The following ADK variants were observed in gnomAD, a reference collection of about 807,000 sequenced individuals.
ADK encodes adenosine kinase, also known as N6,N6-dimethyladenosine kinase.
Under a neutral mutation model 44.7 loss-of-function variants are expected in ADK, and 24 were observed. The observed-to-expected ratio is 0.54, with a 90% CI of 0.39 to 0.76. The LOEUF (loss-of-function observed/expected upper bound fraction) is 0.76, where lower values mean the gene tolerates loss of function less well. Ranked by LOEUF, ADK falls within the 30% of genes least tolerant of loss-of-function variation. The pLI is 0.00. For missense variants in ADK, 321 were observed against 425.1 expected (o/e 0.76, Z 2.15); for synonymous variants, 128 against 142.6 (o/e 0.90, Z 0.73).
chr10:74,590,413 A>G (rs112477263), intron 8 of ADK, among the ~76,000 whole-genome samples: 2,319 of 152,236 alleles, frequency 0.015, 32 homozygotes, highest in Non-Finnish European at 0.024. Context: ...AATGTAGTAA[A>G]GGCAGATTAT....
chr10:74,463,668 C>T (rs1289627820), intron 6 of ADK, among the ~76,000 whole-genome samples: 4 of 152,002 alleles, frequency 2.6e-5, no homozygotes, highest in African/African-American at 9.7e-5. Context: ...GGTTGGGGAC[C>T]CTTGTTTTAT....
chr10:74,430,481 G>GT (rs1844945183), intron 6 of ADK, among the ~76,000 whole-genome samples: 1 of 152,042 alleles, frequency 6.6e-6, no homozygotes, highest in African/African-American at 2.4e-5. Context: ...TTGGCTGGGC[G>GT]TAATGGCTCA....
At chr10:74,514,093 C>T (rs1258765982) in intron 6 of ADK, among the ~76,000 whole-genome samples, 1 of 152,112 alleles carries the variant, frequency 6.6e-6, no homozygotes, top group Non-Finnish European at 1.5e-5. Flanking sequence ...TATTCTTGGG[C>T]TAATAATTTT....
chr10:74,371,396 T>A (rs1842653127), intron 4 of ADK: 4 of 592,822 alleles, frequency 6.7e-6, no homozygotes, highest in Non-Finnish European at 9.0e-6. Context: ...TAACATGATC[T>A]TATATACCAA....
intron 10 of ADK, among the ~76,000 whole-genome samples, chr10:74,685,653 A>C (rs1299032320): frequency 6.6e-6 from 1 of 152,244 alleles, no homozygotes; most frequent in Non-Finnish European, 1.5e-5. Flanking sequence ...AGAAAACATA[A>C]AGGATATGGA....
chr10:74,375,772 T>C (rs1207233385), intron 4 of ADK, among the ~76,000 whole-genome samples: 2 of 152,186 alleles, frequency 1.3e-5, no homozygotes, highest in Admixed American at 1.3e-4. Context: ...TATTTTTCTT[T>C]GTAGTAGTTG....
At chr10:74,383,722 G>A (rs1364616541) in intron 4 of ADK, among the ~76,000 whole-genome samples, 1 of 151,768 alleles carries the variant, frequency 6.6e-6, no homozygotes, top group Non-Finnish European at 1.5e-5. Context: ...GACAAAAAGG[G>A]GTATGAACTA....
rs1846740607 is a variant in ADK at position 74,474,479 on chromosome 10, T to C, written c.556-50777T>C. 5.3e-5 allele frequency among the ~76,000 whole-genome samples: 8 copies of C among 152,072 alleles called. No individual in the cohort carries two copies. In the South Asian group the frequency reaches 1.7e-3, roughly 32 times the overall value. On this transcript the variant is annotated intron_variant, in intron 6 of 10. Transcript: ENST00000539909. ...CTTTTCCTTTATTTTCTTTCTTTCTTTTTCTCTCCCCCTTTCCTCTCCTTT... is the reference window on the plus strand; with the variant it reads ...CTTTTCCTTTATTTTCTTTCTTTCTCTTTCTCTCCCCCTTTCCTCTCCTTT...
chr10:74,398,681 C>A lies in ADK; in HGVS notation c.555+102C>A, dbSNP rs181903930. 1.3e-4 allele frequency: 85 copies of A among 632,444 alleles called. No homozygotes were observed. The African/African-American group carries it at 1.4e-3, about 10-fold the overall frequency. The allele number at this position is 632,444 out of a possible 1,614,324, so 39.2% of individuals were successfully genotyped here. ...AAATAATTATCTTTTATTTACCCTG[C>A]AAATTATTTATCTCTCTCAAAGCAT... On this transcript the variant is annotated intron_variant, in intron 6 of 10. Coordinates refer to ENST00000539909, the MANE Select transcript of ADK (RefSeq NM_006721.4).
In ADK at chr10:74,515,937, TA is replaced by T. The variant is rs768050058; in HGVS notation, c.556-9317del. ...TTCAGAAACTTGTTTGGAGTTGGCA[TA>T]ATGAAGATGGAGCCCCAGTTCTGGA... On this transcript the variant is annotated intron_variant, in intron 6 of 10. Transcript: ENST00000539909. Among the ~76,000 whole-genome samples, 3 of 152,146 alleles carry T rather than the reference TA, an allele frequency of 2.0e-5. No homozygotes were observed. The East Asian group carries it at 5.8e-4, about 29-fold the overall frequency.
intron 10 of ADK, among the ~76,000 whole-genome samples, chr10:74,686,244 A>T (rs572516666): frequency 6.6e-6 from 1 of 152,202 alleles, no homozygotes; most frequent in East Asian, 1.9e-4. Context: ...TACAGGTGTG[A>T]ACCACTGCAC....
chr10:74,191,352 G>A (rs1380812532), intron 1 of ADK, among the ~76,000 whole-genome samples: 2 of 151,770 alleles, frequency 1.3e-5, no homozygotes, highest in Non-Finnish European at 2.9e-5. Flanking sequence ...TCCTTACTCT[G>A]CCATTCCCAA....
At chr10:74,233,693 G>A (rs1454381679) in intron 3 of ADK, among the ~76,000 whole-genome samples, 2 of 152,016 alleles carry the variant, frequency 1.3e-5, no homozygotes, top group Admixed American at 6.6e-5. Flanking sequence ...ATCATTTTGG[G>A]TTTAGATTAG....
chr10:74,372,318 A>G (rs1842685603), intron 4 of ADK: 1 of 754,942 alleles, frequency 1.3e-6, no homozygotes, highest in Admixed American at 1.7e-5. Context: ...TCAGTTCCCT[A>G]CTGAAGACTG....
chr10:74,301,875 A>G (rs1304937274), intron 3 of ADK, among the ~76,000 whole-genome samples: 1 of 152,022 alleles, frequency 6.6e-6, no homozygotes, highest in Non-Finnish European at 1.5e-5. Context: ...AATACTAAAA[A>G]TACTCAAATT....
intron 3 of ADK, among the ~76,000 whole-genome samples, chr10:74,261,822 G>A (rs1305629849): frequency 2.7e-5 from 4 of 150,550 alleles, no homozygotes; most frequent in African/African-American, 7.3e-5. Flanking sequence ...ATTTCTCAAT[G>A]TGATTTTTCT....
At chr10:74,576,799 T>C (rs1314611694) in intron 7 of ADK, among the ~76,000 whole-genome samples, 1 of 152,156 alleles carries the variant, frequency 6.6e-6, no homozygotes, top group Non-Finnish European at 1.5e-5. Context: ...GTGTTGTTGA[T>C]ACCCAAGCAG....
chr10:74,518,239 C>T (rs1317668825), intron 6 of ADK, among the ~76,000 whole-genome samples: 2 of 152,214 alleles, frequency 1.3e-5, no homozygotes, highest in African/African-American at 2.4e-5. Context: ...TCAGAACAGA[C>T]GACAGTGATA....
At chr10:74,340,974 T>C (rs1354042999) in intron 4 of ADK, among the ~76,000 whole-genome samples, 1 of 152,166 alleles carries the variant, frequency 6.6e-6, no homozygotes, top group Admixed American at 6.5e-5. Flanking sequence ...TTCTTAATGA[T>C]TTCAATATTA....
Sources: gnomAD v4.1 joint callset for allele counts (sites outside exome capture counted in the v4.1 genomes callset) on GRCh38, gnomAD v4.1.1 for gene constraint, MANE v1.5 for transcripts, NCBI Gene and HGNC (gene_info 2026-07-23, HGNC 2026-07-21) for gene names.